Variants in ME3 observed in about 807,000 individuals in gnomAD.
ME3 encodes the protein malic enzyme 3, also known as NADP-dependent malic enzyme, mitochondrial.
A neutral mutation model predicts 68.9 loss-of-function variants in ME3; 48 were observed. That is an observed-to-expected ratio of 0.70 (90% CI 0.55 to 0.89). The LOEUF (loss-of-function observed/expected upper bound fraction) is 0.89, where lower values mean the gene tolerates loss of function less well. Ranked by LOEUF, ME3 falls within the 40% of genes least tolerant of loss-of-function variation. The pLI is 0.00. For synonymous variants in ME3, 320 were observed against 318.8 expected, an observed-to-expected ratio of 1.00 and a Z score of -0.04; for missense variants, 675 against 797.4, an observed-to-expected ratio of 0.85 and a Z score of 1.85.
At chr11:86,563,414 T>G (rs906112972) in intron 2 of ME3, among the ~76,000 whole-genome samples, 8 of 152,220 alleles carry the variant, frequency 5.3e-5, no homozygotes, top group Admixed American at 3.3e-4. Context: ...TGCATTTCTC[T>G]GATAATCAGT....
At chr11:86,671,619 CACA>C (rs1217731991) in intron 2 of ME3, 140 bp downstream of exon 2, 8 of 990,548 alleles carry the variant, frequency 8.1e-6, no homozygotes, top group Non-Finnish European at 1.2e-5. Context: ...CAAACCAAGT[CACA>C]ACAAGCCCCT....
chr11:86,611,332 A>AG (rs1942557043), intron 2 of ME3, among the ~76,000 whole-genome samples: 1 of 151,408 alleles, frequency 6.6e-6, no homozygotes, highest in Non-Finnish European at 1.5e-5. Context: ...AAACAAAAAG[A>AG]GAAAAAAAGG....
chr11:86,578,708 T>G (rs1259191540), intron 2 of ME3, among the ~76,000 whole-genome samples: 1 of 152,170 alleles, frequency 6.6e-6, no homozygotes, highest in Non-Finnish European at 1.5e-5. Context: ...ATCACAGCGA[T>G]CAGTCACCCT....
chr11:86,572,378 T>A (rs1471346664), intron 2 of ME3, among the ~76,000 whole-genome samples: 2 of 152,106 alleles, frequency 1.3e-5, no homozygotes, highest in Non-Finnish European at 2.9e-5. Context: ...CAACCCATCA[T>A]CTAGGCTTCA....
chr11:86,613,069 C>T (rs1193687438), intron 2 of ME3, among the ~76,000 whole-genome samples: 1 of 152,112 alleles, frequency 6.6e-6, no homozygotes, highest in Non-Finnish European at 1.5e-5. Context: ...TTTACTCCAT[C>T]TTGAGTTAAT....
intron 2 of ME3, among the ~76,000 whole-genome samples, chr11:86,585,159 G>T (rs1324940191): frequency 6.6e-6 from 1 of 152,110 alleles, no homozygotes; most frequent in African/African-American, 2.4e-5. Flanking sequence ...ACTTTGCTGA[G>T]GACTTAGGTT....
At chr11:86,529,865 AG>A (rs1202204448) in intron 4 of ME3, among the ~76,000 whole-genome samples, 2 of 152,220 alleles carry the variant, frequency 1.3e-5, no homozygotes, top group Non-Finnish European at 2.9e-5. Context: ...CAAAATAATA[AG>A]GGTTGTCTAT....
chr11:86,620,592 A>G, intron 2 of ME3, among the ~76,000 whole-genome samples: 1 of 152,208 alleles, frequency 6.6e-6, no homozygotes, highest in East Asian at 1.9e-4. Flanking sequence ...ACTATGCTAT[A>G]TGGTCACAGA....
At chr11:86,556,672 C>G in exon 4 of ME3, 1 of 1,613,880 alleles carries the variant, frequency 6.2e-7, no homozygotes, top group Non-Finnish European at 8.5e-7. Flanking sequence ...GCTTCTCGTT[C>G]CGGTCTTGGA....
chr11:86,441,517 G>A (rs1593963648), intron 14 of ME3, 77 bp from the exon 15 acceptor site: 2 of 1,397,170 alleles, frequency 1.4e-6, no homozygotes, highest in Non-Finnish European at 1.9e-6. Context: ...GGGAGCATGG[G>A]GGAGGGGAAT....
intron 8 of ME3, among the ~76,000 whole-genome samples, chr11:86,464,625 G>C (rs1300769407): frequency 6.6e-6 from 1 of 152,148 alleles, no homozygotes; most frequent in Non-Finnish European, 1.5e-5. Flanking sequence ...ATTATGGCTG[G>C]GGAAGGCCAT....
At chr11:86,545,108 C>T (rs573575611) in intron 4 of ME3, among the ~76,000 whole-genome samples, 15 of 138,438 alleles carry the variant, frequency 1.1e-4, no homozygotes, top group East Asian at 1.0e-3. Flanking sequence ...AAAAGGCCTT[C>T]GATAAAATTC....
chr11:86,452,686 A>C (rs1949697563), intron 8 of ME3, among the ~76,000 whole-genome samples: 1 of 152,232 alleles, frequency 6.6e-6, no homozygotes, highest in Non-Finnish European at 1.5e-5. Context: ...CCTTGATCAT[A>C]ATGTGACTAT....
chr11:86,665,552 A>G (rs1946539075), intron 2 of ME3, among the ~76,000 whole-genome samples: 1 of 152,182 alleles, frequency 6.6e-6, no homozygotes, highest in Admixed American at 6.5e-5. Flanking sequence ...GAGCATCAAT[A>G]TGAAAGGCAT....
chr11:86,525,878 AAG>A (rs1555222897), intron 4 of ME3, among the ~76,000 whole-genome samples: 10 of 151,788 alleles, frequency 6.6e-5, no homozygotes, highest in Non-Finnish European at 1.5e-4. Context: ...AAAAAAAAAA[AAG>A]GAGAGGGTGG....
At chr11:86,604,529 A>G (rs961589241) in intron 2 of ME3, among the ~76,000 whole-genome samples, 2 of 152,218 alleles carry the variant, frequency 1.3e-5, no homozygotes, top group Admixed American at 6.5e-5. Context: ...TTGAGAAACA[A>G]CTGAAAACTG....
chr11:86,601,270 T>C (rs1047369810), intron 2 of ME3, among the ~76,000 whole-genome samples: 3 of 152,032 alleles, frequency 2.0e-5, no homozygotes, highest in Non-Finnish European at 4.4e-5. Context: ...ATAAAGGGGA[T>C]ATCACCACCA....
chr11:86,598,162 A>G (rs1454537776), intron 2 of ME3, among the ~76,000 whole-genome samples: 5 of 152,202 alleles, frequency 3.3e-5, no homozygotes, highest in African/African-American at 1.2e-4. Flanking sequence ...TCACTCGGGA[A>G]GTGCAAGGGG....
At chr11:86,544,787 A>T (rs1372098181) in intron 4 of ME3, among the ~76,000 whole-genome samples, 1 of 152,190 alleles carries the variant, frequency 6.6e-6, no homozygotes, top group Non-Finnish European at 1.5e-5. Flanking sequence ...AAAGAGAGGG[A>T]CCGCTCCCTA....
Sources: allele counts gnomAD v4.1 joint callset (sites outside exome capture counted in the v4.1 genomes callset), GRCh38; gene constraint gnomAD v4.1.1; transcripts MANE v1.5; gene names NCBI Gene and HGNC (gene_info 2026-07-23, HGNC 2026-07-21).